Variants in PPIL4 observed in about 807,000 individuals in gnomAD.
PPIL4 encodes peptidyl-prolyl cis-trans isomerase-like 4.
Under a neutral mutation model 69.1 loss-of-function variants are expected in PPIL4, and 50 were observed. The observed-to-expected ratio is 0.72, with a 90% CI of 0.58 to 0.92. The LOEUF (loss-of-function observed/expected upper bound fraction) is 0.92, where lower values mean the gene tolerates loss of function less well. Ranked by LOEUF, PPIL4 falls within the 40% of genes least tolerant of loss-of-function variation. PPIL4 has a pLI of 0.00. For synonymous variants in PPIL4, 193 were observed against 191.6 expected, an observed-to-expected ratio of 1.01 and a Z score of -0.06; for missense variants, 480 against 587.9, an observed-to-expected ratio of 0.82 and a Z score of 1.90.
In PPIL4 at chr6:149,512,292, C is replaced by A; in HGVS notation, c.1090G>T (p.Asp364Tyr). The part of the protein sequence containing the change: ...KVKPKQDTKY[D>Y]LILDEQAEDS... ...TCGGCCTGCTCATCTAATATAAGAT[C>A]GTATTTTGTACTGCAGTAGTTAGTT... Residue 364 changes from aspartate (D) to tyrosine (Y), a missense_variant, in exon 12 of 13, where the codon GAT (aspartate) becomes TAT (tyrosine). Physicochemically the swap from Asp to Tyr is radical, Grantham distance 160 (BLOSUM62 -3). Coordinates refer to ENST00000253329, the MANE Select transcript of PPIL4 (RefSeq NM_139126.4). 6.2e-7 allele frequency: 1 copy of A among 1,611,016 alleles called. No individual in the cohort carries two copies. Among genetic ancestry groups the A allele is most frequent in the Non-Finnish European group, 8.5e-7 (1 of 1,178,060 alleles).
At chr6:149,532,253 T>C (rs1032945094) in intron 7 of PPIL4, among the ~76,000 whole-genome samples, 13 of 152,252 alleles carry the variant, frequency 8.5e-5, no homozygotes, top group African/African-American at 2.7e-4. Flanking sequence ...AGAAGTTCTA[T>C]GTACTTTTTC....
chr6:149,528,876 T>TA (rs1583209294), intron 7 of PPIL4, among the ~76,000 whole-genome samples: 1 of 152,006 alleles, frequency 6.6e-6, no homozygotes, highest in East Asian at 1.9e-4. Context: ...TTTCAACAGG[T>TA]AAAAAATATA....
In PPIL4 at chr6:149,541,012, G is replaced by T. The variant is rs1334105598; in HGVS notation, c.251C>A (p.Pro84Gln). The T allele has an allele frequency of 5.0e-6, 8 of 1,612,166 alleles. No homozygotes were observed. The highest frequency in any genetic ancestry group is 6.8e-6 in the Non-Finnish European group (8 of 1,178,936). ...GCCTTTCTTCTTGTGCTTAATTCTT[G>T]GGACTTTTTCTGCCTCAAAAAAGCT... Reference protein sequence around the residue: ...QASFFEAEKVPRIKHKKKGTV... With the variant: ...QASFFEAEKVQRIKHKKKGTV... Residue 84 changes from proline to glutamine, a missense_variant, in exon 4 of 13, where the codon CCA becomes CAA. Pro to Gln is a moderately conservative substitution (Grantham distance 76). Transcript: ENST00000253329.
At chr6:149,534,347 C>G (rs1777241837) in intron 6 of PPIL4, among the ~76,000 whole-genome samples, 1 of 152,164 alleles carries the variant, frequency 6.6e-6, no homozygotes, top group African/African-American at 2.4e-5. Context: ...GGGTTCTAGC[C>G]TGGCTCCAGA....
At chr6:149,541,234 A>T in intron 3 of PPIL4, 133 bp downstream of exon 3, 1 of 529,602 alleles carries the variant, frequency 1.9e-6, no homozygotes. Context: ...ACCATATTTT[A>T]AAATGCAGAT....
In PPIL4 at chr6:149,538,313, T is replaced by A. The variant is rs544662902; in HGVS notation, c.322-2575A>T. On this transcript the variant is annotated intron_variant, in intron 4 of 12. Transcript: ENST00000253329. ...ATGCCTGCTAACATAACAGTCATTC[T>A]GCAGCCATGGATCGAAGAGTAATTT... Among the ~76,000 whole-genome samples, 14 of 152,226 alleles carry A rather than the reference T, an allele frequency of 9.2e-5. No individual in the cohort carries two copies. The East Asian group carries it at 2.7e-3, about 29-fold the overall frequency.
At chr6:149,527,049 C>T (rs1486641740) in intron 7 of PPIL4, among the ~76,000 whole-genome samples, 1 of 152,204 alleles carries the variant, frequency 6.6e-6, no homozygotes, top group East Asian at 1.9e-4. Flanking sequence ...AACAATCCTG[C>T]AATCTCCATT....
At chr6:149,539,089 C>T (rs1470072360) in intron 4 of PPIL4, among the ~76,000 whole-genome samples, 2 of 152,156 alleles carry the variant, frequency 1.3e-5, no homozygotes, top group East Asian at 1.9e-4. Flanking sequence ...TCAGGTGATC[C>T]GCCCCCCTCA....
chr6:149,529,215 G>A (rs1477693098), intron 7 of PPIL4, among the ~76,000 whole-genome samples: 1 of 150,968 alleles, frequency 6.6e-6, no homozygotes, highest in Non-Finnish European at 1.5e-5. Flanking sequence ...GTGAAAGAGT[G>A]AGACTTTCTC....
intron 11 of PPIL4, among the ~76,000 whole-genome samples, chr6:149,512,808 T>C (rs375129799): frequency 6.6e-6 from 1 of 151,992 alleles, no homozygotes; most frequent in South Asian, 2.1e-4. Flanking sequence ...AGTGGCGCGA[T>C]CTCAGCTCAC....
At chr6:149,523,623 G>A (rs1008108302) in intron 9 of PPIL4, among the ~76,000 whole-genome samples, 34 of 151,944 alleles carry the variant, frequency 2.2e-4, no homozygotes, top group African/African-American at 7.7e-4. Context: ...ACTGGGAGGC[G>A]GAGGTTGCAG....
At chr6:149,530,558 C>T (rs1282804175) in intron 7 of PPIL4, among the ~76,000 whole-genome samples, 1 of 151,880 alleles carries the variant, frequency 6.6e-6, no homozygotes, top group Non-Finnish European at 1.5e-5. Flanking sequence ...ACCCAGGAGG[C>T]TGAGGCAGGA....
At chr6:149,521,210 G>A (rs1777024724) in intron 9 of PPIL4, 39 bp from the exon 10 acceptor site, 1 of 1,192,882 alleles carries the variant, frequency 8.4e-7, no homozygotes, top group Non-Finnish European at 1.2e-6. Context: ...AAATCTTTAT[G>A]GAAAAGATTT....
chr6:149,533,614 T>TA (rs1289890611), intron 6 of PPIL4, 40 bp from the exon 7 acceptor site: 1 of 1,149,338 alleles, frequency 8.7e-7, no homozygotes, highest in Non-Finnish European at 1.3e-6. Flanking sequence ...ATTTAAAGAA[T>TA]AAAAAAATCT....
chr6:149,506,598 G>C (rs1243414660), intron 12 of PPIL4, among the ~76,000 whole-genome samples: 1 of 152,148 alleles, frequency 6.6e-6, no homozygotes, highest in African/African-American at 2.4e-5. Context: ...AGAAGTTAGA[G>C]AGGAGAATTT....
At chr6:149,514,134 A>G (rs114462453) in intron 11 of PPIL4, among the ~76,000 whole-genome samples, 6 of 152,336 alleles carry the variant, frequency 3.9e-5, no homozygotes, top group South Asian at 2.1e-4. Context: ...CTAGCTTCCC[A>G]TGAGATGGCT....
intron 11 of PPIL4, among the ~76,000 whole-genome samples, chr6:149,514,864 T>G (rs998008417): frequency 6.6e-6 from 1 of 151,734 alleles, no homozygotes; most frequent in African/African-American, 2.4e-5. Flanking sequence ...GAGACGGAGT[T>G]TCACTCTTGT....
At chr6:149,534,803 AT>A (rs1777249796) in intron 5 of PPIL4, 29 bp from the exon 6 acceptor site, 2 of 1,251,238 alleles carry the variant, frequency 1.6e-6, no homozygotes, top group African/African-American at 1.5e-5. Flanking sequence ...ATCAAATGTT[AT>A]ACATTGAAGT....
chr6:149,526,285 T>A (rs921606237), intron 8 of PPIL4, among the ~76,000 whole-genome samples: 14 of 152,300 alleles, frequency 9.2e-5, no homozygotes, highest in African/African-American at 3.4e-4. Flanking sequence ...TAGTTTTAAA[T>A]TAATTTTGAC....
Sources: gnomAD v4.1 joint callset for allele counts (sites outside exome capture counted in the v4.1 genomes callset) on GRCh38, gnomAD v4.1.1 for gene constraint, MANE v1.5 for transcripts, NCBI Gene and HGNC (gene_info 2026-07-23, HGNC 2026-07-21) for gene names.